Variants in GDPD1 observed in about 807,000 individuals in gnomAD.
GDPD1 encodes the protein lysophospholipase D GDPD1.
A neutral mutation model predicts 45.1 loss-of-function variants in GDPD1; 28 were observed. The observed-to-expected ratio is 0.62, with a 90% CI of 0.46 to 0.85. GDPD1 has a LOEUF of 0.85. Ranked by LOEUF, GDPD1 falls within the 40% of genes least tolerant of loss-of-function variation. The pLI is 0.00. For missense variants in GDPD1, 256 were observed against 364.8 expected (o/e 0.70, Z 2.43); for synonymous variants, 139 against 131.4 (o/e 1.06, Z -0.40).
intron 2 of GDPD1, among the ~76,000 whole-genome samples, chr17:59,239,540 C>T (rs1440631280): frequency 6.6e-6 from 1 of 151,926 alleles, no homozygotes; most frequent in South Asian, 2.1e-4. Flanking sequence ...TGTGTTCTAG[C>T]TATTTACATA....
In GDPD1 at chr17:59,273,879, A is replaced by G. The variant is rs1019179435; in HGVS notation, c.*106A>G. 5 of 1,271,230 alleles carry G rather than the reference A, an allele frequency of 3.9e-6. No individual in the cohort carries two copies. In the African/African-American group the frequency reaches 6.1e-5, roughly 16 times the overall value. The allele number at this position is 1,271,230 out of a possible 1,614,324, so 78.7% of individuals were successfully genotyped here. On this transcript the variant is annotated 3_prime_UTR_variant, in exon 10 of 10. Transcript: ENST00000284116. ...TTCCAGAATGGTAAAAGGTTTAATCAGTTTTTATTACCTCATTTTTAAGCC... is the reference window on the plus strand; with the variant it reads ...TTCCAGAATGGTAAAAGGTTTAATCGGTTTTTATTACCTCATTTTTAAGCC...
rs758720743 is a variant in GDPD1, at chr17:59,245,566, G to A, written c.321+17G>A. ...AAATACTGTGTAAGTAAAAATGCAT[G>A]ATAAACTAATATCTAATAGATGTCG... On this transcript the variant is annotated intron_variant, in intron 3 of 9. Transcript: ENST00000284116. The A allele has an allele frequency of 2.5e-6, 4 of 1,583,278 alleles. No individual in the cohort carries two copies. The highest frequency in any genetic ancestry group is 3.6e-5 in the Admixed American group (2 of 55,192).
At chr17:59,223,439 T>G (rs994228101) in intron 1 of GDPD1, among the ~76,000 whole-genome samples, 1 of 152,280 alleles carries the variant, frequency 6.6e-6, no homozygotes, top group African/African-American at 2.4e-5. Context: ...ATAAAACACT[T>G]TGTAATTCAA....
chr17:59,264,318 CAG>C, intron 6 of GDPD1, among the ~76,000 whole-genome samples: 1 of 150,924 alleles, frequency 6.6e-6, no homozygotes, highest in South Asian at 2.1e-4. Flanking sequence ...TTTTTTGAGA[CAG>C]AGTCTCACTC....
At position 59,268,596 on chromosome 17, in the gene GDPD1, A is replaced by G. The variant is rs200488589; in HGVS notation, c.710+1422A>G. Among the ~76,000 whole-genome samples, 90 of 144,550 alleles carry G rather than the reference A, an allele frequency of 6.2e-4. 2 individuals are homozygous for G. The South Asian group carries it at 0.015, about 24-fold the overall frequency. 94.8% of individuals were successfully genotyped at this position (144,550 alleles called of 152,430 possible). ...TCTGTCTCAAAAAAAAAAAAAAAAA[A>G]AAAAAAGAAAAGAAAACACTTTTCA... On this transcript the variant is annotated intron_variant, in intron 7 of 9. Transcript: ENST00000284116.
At chr17:59,270,019 T>C (rs1347549308) in intron 7 of GDPD1, among the ~76,000 whole-genome samples, 1 of 152,044 alleles carries the variant, frequency 6.6e-6, no homozygotes, top group East Asian at 1.9e-4. Flanking sequence ...GCAGGATATA[T>C]TTTGTGTGTT....
chr17:59,239,315 T>C (rs1028502923), intron 2 of GDPD1, among the ~76,000 whole-genome samples: 1 of 152,218 alleles, frequency 6.6e-6, no homozygotes, highest in Non-Finnish European at 1.5e-5. Flanking sequence ...GTGGAGTTTC[T>C]TTCACATTTT....
At chr17:59,239,824 C>G (rs1326156015) in intron 2 of GDPD1, among the ~76,000 whole-genome samples, 12 of 150,368 alleles carry the variant, frequency 8.0e-5, no homozygotes, top group Non-Finnish European at 4.4e-5. Context: ...ACCTCCCCCT[C>G]TCCAGCTCAA....
chr17:59,258,358 A>C (rs1331795490), intron 6 of GDPD1, among the ~76,000 whole-genome samples: 3 of 152,048 alleles, frequency 2.0e-5, no homozygotes, highest in African/African-American at 4.8e-5. Context: ...AACCTGGCCA[A>C]TATGGTGAAA....
At chr17:59,254,684 G>A (rs372058926) in intron 4 of GDPD1, among the ~76,000 whole-genome samples, 94 of 152,214 alleles carry the variant, frequency 6.2e-4, no homozygotes, top group African/African-American at 2.2e-3. Flanking sequence ...TGAATATATT[G>A]GTTTTCATAA....
At chr17:59,236,352 T>A (rs1255777091) in intron 2 of GDPD1, among the ~76,000 whole-genome samples, 2 of 152,218 alleles carry the variant, frequency 1.3e-5, no homozygotes, top group Non-Finnish European at 2.9e-5. Context: ...ATAGTTTTGT[T>A]CAAATAGTAA....
intron 6 of GDPD1, among the ~76,000 whole-genome samples, chr17:59,259,668 G>A (rs1251688811): frequency 6.7e-6 from 1 of 149,246 alleles, no homozygotes; most frequent in Admixed American, 6.8e-5. Context: ...AGAATTGCTT[G>A]AACCTGGAAA....
chr17:59,224,656 A>G (rs2047033741), intron 1 of GDPD1, among the ~76,000 whole-genome samples: 1 of 148,974 alleles, frequency 6.7e-6, no homozygotes, highest in Non-Finnish European at 1.5e-5. Flanking sequence ...ACAAAAACAA[A>G]AAAAACTACG....
intron 3 of GDPD1, among the ~76,000 whole-genome samples, chr17:59,247,852 A>G (rs1411524740): frequency 6.6e-6 from 1 of 151,730 alleles, no homozygotes; most frequent in Non-Finnish European, 1.5e-5. Flanking sequence ...CTGGTCTCGA[A>G]CTCCTGGCCT....
At chr17:59,228,491 C>G (rs1367680962) in intron 1 of GDPD1, among the ~76,000 whole-genome samples, 4 of 152,152 alleles carry the variant, frequency 2.6e-5, no homozygotes, top group Non-Finnish European at 4.4e-5. Flanking sequence ...TATGGGGATA[C>G]AGAGGAGAGA....
At chr17:59,237,844 C>G (rs868741404) in intron 2 of GDPD1, among the ~76,000 whole-genome samples, 3 of 151,080 alleles carry the variant, frequency 2.0e-5, no homozygotes, top group Non-Finnish European at 4.4e-5. Context: ...CCAAGGCAGG[C>G]GGATCACTTG....
intron 2 of GDPD1, among the ~76,000 whole-genome samples, chr17:59,241,188 C>T (rs552502772): frequency 8.5e-5 from 13 of 152,316 alleles, no homozygotes; most frequent in South Asian, 4.1e-4. Flanking sequence ...TCAGAACATA[C>T]GCCCATTGTT....
intron 8 of GDPD1, among the ~76,000 whole-genome samples, chr17:59,272,076 A>G (rs548300038): frequency 6.6e-6 from 1 of 151,678 alleles, no homozygotes; most frequent in African/African-American, 2.4e-5. Flanking sequence ...ACCAGGATGC[A>G]TTTTTTTTCT....
chr17:59,263,483 C>CTTTTTTTTTTTTTTTTTTTTTTTTTTT (rs537639356), intron 6 of GDPD1, among the ~76,000 whole-genome samples: 1 of 120,320 alleles, frequency 8.3e-6, no homozygotes, highest in African/African-American at 3.1e-5. Context: ...TTTTCCTTTC[C>CTTTTTTTTTTTTTTTTTTTTTTTTTTT]TTTTTTTTTT....
Sources: allele counts gnomAD v4.1 joint callset (sites outside exome capture counted in the v4.1 genomes callset), GRCh38; gene constraint gnomAD v4.1.1; transcripts MANE v1.5; gene names NCBI Gene and HGNC (gene_info 2026-07-23, HGNC 2026-07-21).